CFI: variants seen among roughly 807,000 people sequenced by gnomAD.
CFI encodes C3B/C4B inactivator.
Under a neutral mutation model 78.8 loss-of-function variants are expected in CFI, and 66 were observed. The observed-to-expected ratio is 0.84, with a 90% CI of 0.69 to 1.03. The LOEUF is 1.03. Among genes scored for constraint, CFI ranks in the 50% least tolerant of loss-of-function variants. The probability of loss-of-function intolerance (pLI) is 0.00; values close to 1 mark genes in which losing one functional copy is unlikely to be tolerated. For missense variants in CFI, 706 were observed against 704.5 expected (o/e 1.00, Z -0.02); for synonymous variants, 250 against 232.6 (o/e 1.07, Z -0.68).
At chr4:109,797,926 G>A (rs1189554337) in intron 1 of CFI, among the ~76,000 whole-genome samples, 2 of 152,102 alleles carry the variant, frequency 1.3e-5, no homozygotes, top group African/African-American at 2.4e-5. Flanking sequence ...ATGCAGAAAG[G>A]GAAATTCTTC....
chr4:109,746,569 C>T, intron 10 of CFI, 67 bp from the exon 11 acceptor site: 1 of 1,298,872 alleles, frequency 7.7e-7, no homozygotes, highest in South Asian at 1.4e-5. Flanking sequence ...TCTGACACTT[C>T]ACTTTTATAT....
chr4:109,751,703 AG>A (rs1375172262), intron 8 of CFI, among the ~76,000 whole-genome samples: 1 of 152,162 alleles, frequency 6.6e-6, no homozygotes, highest in African/African-American at 2.4e-5. Flanking sequence ...GGCCTCCCAA[AG>A]TGCTGGGATT....
At chr4:109,784,969 A>G (rs938094112) in intron 1 of CFI, among the ~76,000 whole-genome samples, 4 of 152,060 alleles carry the variant, frequency 2.6e-5, no homozygotes, top group African/African-American at 9.7e-5. Flanking sequence ...TGACCTTATG[A>G]CAATACACCC....
At position 109,749,310 on chromosome 4, in the gene CFI, T is replaced by C. The variant is rs756627268; in HGVS notation, c.1056A>G (p.Pro352=). 4.3e-6 allele frequency: 7 copies of C among 1,614,080 alleles called. No homozygotes were observed. The South Asian group carries it at 5.5e-5, about 13-fold the overall frequency. Residue 352 remains proline, a synonymous_variant, in exon 10 of 13, where the codon CCA becomes CCG. Coordinates refer to ENST00000394634, the MANE Select transcript of CFI (RefSeq NM_000204.5). ...TGGCATCCTTAATTGCCACCTGCCATGGGAGGTCTCCCTGTAAAAGACATT... is the reference window on the plus strand; with the variant it reads ...TGGCATCCTTAATTGCCACCTGCCACGGGAGGTCTCCCTGTAAAAGACATT... ...GGKRAQLGDL[P]WQVAIKDASG... is the part of the protein sequence containing the mutation.
chr4:109,749,331 A>C lies in CFI; in HGVS notation c.1045-10T>G. ...GCCATGGGAGGTCTCCCTGTAAAAG[A>C]CATTTGTGTGGTCACTGCCATTCTA... On this transcript the variant is annotated splice_polypyrimidine_tract_variant and intron_variant, in intron 9 of 12. Coordinates refer to ENST00000394634, the MANE Select transcript of CFI (RefSeq NM_000204.5). 6.2e-7 allele frequency: 1 copy of C among 1,610,944 alleles called. No homozygotes were observed. The highest frequency in any genetic ancestry group is 8.5e-7 in the Non-Finnish European group (1 of 1,177,092).
chr4:109,731,865 T>C, the CFI span, among the ~76,000 whole-genome samples: 1 of 152,250 alleles, frequency 6.6e-6, no homozygotes, highest in Non-Finnish European at 1.5e-5. Flanking sequence ...GATATTTTTA[T>C]TTTTTAATTT....
At chr4:109,757,387 G>T (rs149175895) in intron 7 of CFI, among the ~76,000 whole-genome samples, 10 of 152,270 alleles carry the variant, frequency 6.6e-5, no homozygotes, top group African/African-American at 2.4e-4. Context: ...AGCATTTGGG[G>T]ACATCTGACT....
At chr4:109,796,191 G>T (rs984631256) in intron 1 of CFI, among the ~76,000 whole-genome samples, 5 of 152,136 alleles carry the variant, frequency 3.3e-5, no homozygotes, top group Non-Finnish European at 4.4e-5. Flanking sequence ...CAGAAACACT[G>T]CAGGCCAGGA....
intron 1 of CFI, among the ~76,000 whole-genome samples, chr4:109,800,343 TTTTTTTG>T (rs1732623576): frequency 7.1e-6 from 1 of 140,818 alleles, no homozygotes. Flanking sequence ...TTTTTTTTTT[TTTTTTTG>T]AGACAGGATC....
At chr4:109,738,691 G>T (rs141913616), downstream of CFI, among the ~76,000 whole-genome samples, 1 of 152,122 alleles carries the variant, frequency 6.6e-6, no homozygotes, top group East Asian at 1.9e-4. Flanking sequence ...TGGTGCCCCC[G>T]GCCCTGCCAT....
At chr4:109,773,964 T>C (rs537263440) in intron 1 of CFI, among the ~76,000 whole-genome samples, 23 of 152,392 alleles carry the variant, frequency 1.5e-4, no homozygotes, top group African/African-American at 5.0e-4. Context: ...AGCCCAGTAA[T>C]TTCCAAAGTG....
At chr4:109,767,256 G>T (rs1173437725) in intron 1 of CFI, among the ~76,000 whole-genome samples, 1 of 152,134 alleles carries the variant, frequency 6.6e-6, no homozygotes. Flanking sequence ...AAAAGCAATG[G>T]CAACAAAAGC....
At chr4:109,786,060 A>C (rs72674887) in intron 1 of CFI, among the ~76,000 whole-genome samples, 1,706 of 152,098 alleles carry the variant, frequency 0.011, 15 homozygotes, top group Non-Finnish European at 0.018. Context: ...AACAAAAAAA[A>C]CCAAAGTCTA....
chr4:109,780,388 A>G (rs1012036517), intron 1 of CFI, among the ~76,000 whole-genome samples: 3 of 152,354 alleles, frequency 2.0e-5, no homozygotes, highest in East Asian at 1.9e-4. Flanking sequence ...CAACAGACAC[A>G]TGAAAAAATG....
At chr4:109,749,051 G>A (rs1166143556) in intron 10 of CFI, among the ~76,000 whole-genome samples, 167 bp downstream of exon 10, 2 of 152,164 alleles carry the variant, frequency 1.3e-5, no homozygotes, top group Admixed American at 1.3e-4. Context: ...TAGATTCTAC[G>A]GGATTAGCCT....
At chr4:109,766,322 C>T (rs1470097247) in intron 2 of CFI, among the ~76,000 whole-genome samples, 2 of 152,014 alleles carry the variant, frequency 1.3e-5, no homozygotes, top group African/African-American at 2.4e-5. Context: ...GGAGTGGCAC[C>T]GGCACTGAAG....
At position 109,753,174 on chromosome 4, in the gene CFI, A is replaced by AT. The variant is rs1554027453; in HGVS notation, c.905-672_905-671insA. ...ATTTATTATATAAATAAATATTTATAATATATTTATTATATAAATAAATAT... is the reference window on the plus strand; with the variant it reads ...ATTTATTATATAAATAAATATTTATATATATATTTATTATATAAATAAATAT... On this transcript the variant is annotated intron_variant, in intron 7 of 12. Coordinates refer to ENST00000394634, the MANE Select transcript of CFI (RefSeq NM_000204.5). 4.5e-4 allele frequency among the ~76,000 whole-genome samples: 3 copies of AT among 6,640 alleles called. 1 individual carries two copies. The highest frequency in any genetic ancestry group is 7.0e-4 in the Non-Finnish European group (3 of 4,278). 4.4% of individuals were successfully genotyped at this position (6,640 alleles called of 152,430 possible).
At chr4:109,789,359 A>T (rs1186729325) in intron 1 of CFI, among the ~76,000 whole-genome samples, 3 of 151,992 alleles carry the variant, frequency 2.0e-5, no homozygotes, top group Admixed American at 2.0e-4. Context: ...ATCATGAAGG[A>T]AATTGCACCA....
chr4:109,748,747 C>T (rs1724778081), intron 10 of CFI, among the ~76,000 whole-genome samples: 1 of 152,078 alleles, frequency 6.6e-6, no homozygotes, highest in East Asian at 1.9e-4. Flanking sequence ...TAGCAGAGGT[C>T]AGATTACATG....
Sources: gnomAD v4.1 joint callset for allele counts (sites outside exome capture counted in the v4.1 genomes callset) on GRCh38, gnomAD v4.1.1 for gene constraint, MANE v1.5 for transcripts, NCBI Gene and HGNC (gene_info 2026-07-23, HGNC 2026-07-21) for gene names.